CDH17: variants seen among roughly 807,000 people sequenced by gnomAD.
The protein encoded by CDH17 is cadherin-17.
In CDH17, 67 loss-of-function variants were observed where a neutral mutation model predicts 86.3. The observed-to-expected ratio is 0.78, with a 90% CI of 0.64 to 0.95. The LOEUF is 0.95. Ranked by LOEUF, CDH17 falls within the 40% of genes least tolerant of loss-of-function variation. The pLI is 0.00. For synonymous variants in CDH17, 367 were observed against 366.4 expected (o/e 1.00, Z -0.02); for missense variants, 993 against 1,017.6 (o/e 0.98, Z 0.33).
At chr8:94,173,244 T>G (rs1486637087) in intron 7 of CDH17, among the ~76,000 whole-genome samples, 1 of 152,120 alleles carries the variant, frequency 6.6e-6, no homozygotes, top group Non-Finnish European at 1.5e-5. Flanking sequence ...TAATCCTCAG[T>G]ATTGGAGGTG....
chr8:94,187,328 C>CA (rs1813600068), intron 3 of CDH17, among the ~76,000 whole-genome samples: 1 of 152,238 alleles, frequency 6.6e-6, no homozygotes, highest in South Asian at 2.1e-4. Context: ...TGAGAAGCTT[C>CA]AGTGCATGTG....
chr8:94,133,599 G>T (rs1231632503), intron 15 of CDH17, among the ~76,000 whole-genome samples: 1 of 152,184 alleles, frequency 6.6e-6, no homozygotes, highest in African/African-American at 2.4e-5. Context: ...CATGTCATGT[G>T]CAAACAGGGA....
intron 10 of CDH17, among the ~76,000 whole-genome samples, chr8:94,163,762 C>A (rs1738287247): frequency 6.6e-6 from 1 of 152,216 alleles, no homozygotes; most frequent in African/African-American, 2.4e-5. Context: ...TATTAACAAT[C>A]CAATTACAAC....
intron 3 of CDH17, among the ~76,000 whole-genome samples, chr8:94,187,632 A>G (rs1428132332): frequency 1.3e-5 from 2 of 151,850 alleles, no homozygotes; most frequent in East Asian, 1.9e-4. Context: ...CTTTTGAGAA[A>G]AACTCAAGAT....
At chr8:94,136,173 T>C (rs955284716) in intron 15 of CDH17, among the ~76,000 whole-genome samples, 29 of 152,322 alleles carry the variant, frequency 1.9e-4, no homozygotes, top group Admixed American at 1.7e-3. Flanking sequence ...TGGTGGTCTC[T>C]GTATTTCCTG....
intron 15 of CDH17, among the ~76,000 whole-genome samples, chr8:94,134,932 C>A (rs891669130): frequency 6.6e-6 from 1 of 152,134 alleles, no homozygotes; most frequent in Admixed American, 6.5e-5. Context: ...AGTAGTCATT[C>A]AGGAGCAGCT....
intron 7 of CDH17, among the ~76,000 whole-genome samples, 169 bp from the exon 8 acceptor site, chr8:94,171,154 T>TC (rs1439531466): frequency 1.3e-5 from 2 of 152,158 alleles, no homozygotes; most frequent in Admixed American, 6.6e-5. Flanking sequence ...TAAGCCTGTT[T>TC]CCCCCCACCA....
chr8:94,197,033 G>A (rs78459985), intron 1 of CDH17, among the ~76,000 whole-genome samples: 4,344 of 152,232 alleles, frequency 0.029, 185 homozygotes, highest in African/African-American at 0.087. Flanking sequence ...AAAACCCTGT[G>A]CCATTTCACC....
At chr8:94,193,988 G>A (rs907466475) in intron 2 of CDH17, among the ~76,000 whole-genome samples, 17 of 150,806 alleles carry the variant, frequency 1.1e-4, no homozygotes, top group African/African-American at 3.7e-4. Flanking sequence ...TTATAATCTC[G>A]TTTCATAATG....
Position 94,145,952 on chromosome 8 carries a change from C to T in CDH17, c.2143G>A (p.Asp715Asn), listed in dbSNP as rs770997569. ...FSLGSGSLQN[D>N]WEVSKINGTH... ...CCATTGATTTTGGAAACTTCCCAGTCGTTTTGTAAGCTTCCACTGCCGAGG... is the reference window on the plus strand; with the variant it reads ...CCATTGATTTTGGAAACTTCCCAGTTGTTTTGTAAGCTTCCACTGCCGAGG... The change falls in exon 15 of 18, where the codon GAC (aspartate) becomes AAC (asparagine). Residue 715 changes from aspartate (D) to asparagine (N), a missense_variant. Transcript: ENST00000027335. 8 of 1,612,778 alleles carry T rather than the reference C, an allele frequency of 5.0e-6. No homozygotes were observed. The Admixed American group carries it at 5.0e-5, about 10-fold the overall frequency.
At chr8:94,189,110 T>A in intron 3 of CDH17, 77 bp downstream of exon 3, 1 of 976,156 alleles carries the variant, frequency 1.0e-6, no homozygotes, top group Admixed American at 2.2e-5. Context: ...TTTCCTGCTA[T>A]ACAATAGATA....
chr8:94,152,399 T>G (rs1176127615), intron 12 of CDH17, among the ~76,000 whole-genome samples: 2 of 152,214 alleles, frequency 1.3e-5, no homozygotes, highest in African/African-American at 4.8e-5. Context: ...TATTTTTTAT[T>G]TTTGAGATGG....
At chr8:94,130,597 G>T in intron 17 of CDH17, 29 bp downstream of exon 17, 1 of 1,455,934 alleles carries the variant, frequency 6.9e-7, no homozygotes, top group Non-Finnish European at 9.6e-7. Flanking sequence ...CCCAGGATAA[G>T]ACTCTTTGAA....
rs13263145 is a variant in CDH17, at chr8:94,145,918, G to C, written c.2167+10C>G. The C allele has an allele frequency of 0.31, 492,317 of 1,606,484 alleles. 85,154 individuals are homozygous for C. Among genetic ancestry groups the C allele is most frequent in the Non-Finnish European group, 0.35 (417,185 of 1,176,306 alleles). On this transcript the variant is annotated intron_variant, in intron 15 of 17. Coordinates refer to ENST00000027335, the MANE Select transcript of CDH17 (RefSeq NM_004063.4). ...TCTATGTTTTTTTCCATGTATTTCT[G>C]ACAACTCACCATTGATTTTGGAAAC...
intron 12 of CDH17, among the ~76,000 whole-genome samples, chr8:94,155,942 C>T (rs78112062): frequency 0.023 from 3,447 of 152,280 alleles, 123 homozygotes; most frequent in African/African-American, 0.079. Context: ...TCATTATAAA[C>T]GGAAGATGCT....
intron 1 of CDH17, among the ~76,000 whole-genome samples, chr8:94,198,866 A>T (rs961695347): frequency 1.3e-5 from 2 of 152,068 alleles, no homozygotes; most frequent in African/African-American, 4.8e-5. Flanking sequence ...TTATTTAAAT[A>T]GCAATGAACT....
chr8:94,196,062 G>A (rs1207289794), intron 1 of CDH17, among the ~76,000 whole-genome samples: 6 of 152,144 alleles, frequency 3.9e-5, no homozygotes, highest in Admixed American at 6.5e-5. Context: ...ACCTGGCTGA[G>A]TCAAGAAAAT....
In CDH17 at chr8:94,170,542, A is replaced by G. The variant is rs199750261; in HGVS notation, c.921T>C (p.Val307=). 5.0e-6 allele frequency: 8 copies of G among 1,613,532 alleles called. No individual in the cohort carries two copies. The African/African-American group carries it at 1.1e-4, about 22-fold the overall frequency. The change falls in exon 9 of 18, where the codon GTT becomes GTC. Residue 307 remains valine (V), a synonymous_variant. Transcript: ENST00000027335. ...ACTCATCCTTTGCAACTGCATAAAA[A>G]ACATACTACAACAGGAAAGTCAGAG... The part of the protein sequence containing the change: ...PLDREEKDAY[V]FYAVAKDEYG...
At chr8:94,202,965 C>T (rs1238247058) in intron 1 of CDH17, 1 of 315,716 alleles carries the variant, frequency 3.2e-6, no homozygotes, top group Non-Finnish European at 6.1e-6. Flanking sequence ...CTCTGAGGTT[C>T]CCCTTTTCAC....
Sources: gnomAD v4.1 joint callset for allele counts (sites outside exome capture counted in the v4.1 genomes callset) on GRCh38, gnomAD v4.1.1 for gene constraint, MANE v1.5 for transcripts, NCBI Gene and HGNC (gene_info 2026-07-23, HGNC 2026-07-21) for gene names.